PTPRA: variants seen among roughly 807,000 people sequenced by gnomAD.
The protein encoded by PTPRA is receptor-type tyrosine-protein phosphatase alpha.
A neutral mutation model predicts 104.8 loss-of-function variants in PTPRA; 25 were observed. The ratio of observed to expected loss-of-function variants is 0.24; its 90% confidence interval spans 0.17 to 0.33. The LOEUF is 0.33. Ranked by LOEUF, PTPRA falls within the 10% of genes least tolerant of loss-of-function variation. PTPRA has a pLI of 1.00. For missense variants in PTPRA, 765 were observed against 1,015.3 expected (o/e 0.75, Z 3.35); for synonymous variants, 323 against 368.9 (o/e 0.88, Z 1.43).
intron 11 of PTPRA, among the ~76,000 whole-genome samples, chr20:3,013,842 C>T (rs2064302680): frequency 6.6e-6 from 1 of 152,126 alleles, no homozygotes; most frequent in Non-Finnish European, 1.5e-5. Flanking sequence ...TTCATCTTTC[C>T]CTTGAACAGA....
chr20:3,029,540 CTTTTTTTT>C (rs71195813), intron 20 of PTPRA, among the ~76,000 whole-genome samples: 1 of 78,084 alleles, frequency 1.3e-5, no homozygotes, highest in Admixed American at 1.8e-4. Flanking sequence ...TCTTCATCAT[CTTTTTTTT>C]TTTTTTTTTT....
intron 3 of PTPRA, among the ~76,000 whole-genome samples, chr20:2,952,042 C>T (rs1011383887): frequency 6.6e-6 from 1 of 151,972 alleles, no homozygotes; most frequent in Non-Finnish European, 1.5e-5. Flanking sequence ...ATCTCTTGAA[C>T]CCAGGAGGCA....
intron 1 of PTPRA, among the ~76,000 whole-genome samples, chr20:2,919,139 C>G (rs1036643552): frequency 6.6e-6 from 1 of 151,880 alleles, no homozygotes; most frequent in Admixed American, 6.6e-5. Flanking sequence ...AAGATTTGAC[C>G]AAGTTGATTG....
chr20:3,017,192 A>G (rs757710007), intron 12 of PTPRA, among the ~76,000 whole-genome samples: 2 of 152,056 alleles, frequency 1.3e-5, no homozygotes, highest in South Asian at 4.1e-4. Flanking sequence ...TCCTTCTAGA[A>G]TCTTCTTTCT....
intron 11 of PTPRA, among the ~76,000 whole-genome samples, chr20:3,014,435 C>T (rs754586048): frequency 1.6e-4 from 25 of 151,984 alleles, no homozygotes; most frequent in Admixed American, 3.3e-4. Flanking sequence ...TTCAGGAATT[C>T]GAGAGCAGCG....
At chr20:3,004,583 C>T (rs2063780541) in intron 9 of PTPRA, among the ~76,000 whole-genome samples, 1 of 143,156 alleles carries the variant, frequency 7.0e-6, no homozygotes, top group African/African-American at 2.6e-5. Flanking sequence ...GGGTGCCATG[C>T]CCCCTTAGAT....
At chr20:2,866,460 C>G in the PTPRA span, 18 of 1,614,026 alleles carry the variant, frequency 1.1e-5, no homozygotes, top group Middle Eastern at 3.3e-4. Flanking sequence ...ATGTGGCCAT[C>G]GAACACCGGA....
chr20:3,030,272 C>T (rs1395097697), intron 20 of PTPRA, among the ~76,000 whole-genome samples: 1 of 152,136 alleles, frequency 6.6e-6, no homozygotes, highest in Non-Finnish European at 1.5e-5. Context: ...GGAGAAGAGT[C>T]GTGCGCACAC....
intron 10 of PTPRA, among the ~76,000 whole-genome samples, chr20:3,006,481 TA>T (rs926540713): frequency 6.6e-6 from 1 of 152,220 alleles, no homozygotes; most frequent in Admixed American, 6.5e-5. Flanking sequence ...ATCTAGACCC[TA>T]AAAATTTTAT....
intron 1 of PTPRA, among the ~76,000 whole-genome samples, chr20:2,879,607 C>T (rs2089937459): frequency 6.6e-6 from 1 of 152,096 alleles, no homozygotes; most frequent in African/African-American, 2.4e-5. Flanking sequence ...TCAGTTGGGG[C>T]CTGAGAATGT....
intron 1 of PTPRA, among the ~76,000 whole-genome samples, chr20:2,892,720 C>T (rs508518): frequency 0.18 from 27,149 of 152,064 alleles, 3,484 homozygotes; most frequent in African/African-American, 0.36. Context: ...CCTACTTAAA[C>T]GATATTTTCA....
chr20:3,024,661 C>T, intron 17 of PTPRA, 40 bp downstream of exon 17: 1 of 1,606,460 alleles, frequency 6.2e-7, no homozygotes, highest in Non-Finnish European at 8.5e-7. Flanking sequence ...ATTGAAGGAT[C>T]CTTGTAATCT....
rs1252481408 is a variant in PTPRA, at chr20:3,035,209, A to T, written c.1921-376A>T. Among the ~76,000 whole-genome samples the T allele has an allele frequency of 1.3e-5, 2 of 152,188 alleles. No homozygotes were observed. Among genetic ancestry groups the T allele is most frequent in the Admixed American group, 6.5e-5 (1 of 15,272 alleles). On this transcript the variant is annotated intron_variant, in intron 20 of 23. Coordinates refer to ENST00000399903, the MANE Select transcript of PTPRA (RefSeq NM_001385305.1). This position sits in a 1 kb window ranked among gnomAD's most constrained non-coding sequence, Gnocchi z 5.8. ...TGTGTGGGAATGTGAATTGGTTCTG[A>T]TTTTCTGAATTAGCAGTCTGGCGGA...
At chr20:2,910,480 C>CTTTT (rs34928941) in intron 1 of PTPRA, among the ~76,000 whole-genome samples, 6 of 16,772 alleles carry the variant, frequency 3.6e-4, no homozygotes, top group East Asian at 2.8e-3. Flanking sequence ...TTTATATATA[C>CTTTT]TTTTTTTTTT....
At position 2,920,527 on chromosome 20, in the gene PTPRA, G is replaced by A. The variant is rs532474650; in HGVS notation, c.-128-2680G>A. Among the ~76,000 whole-genome samples the A allele has an allele frequency of 5.9e-5, 9 of 152,310 alleles. No individual in the cohort carries two copies. The South Asian group carries it at 1.9e-3, about 32-fold the overall frequency. Reference sequence around the variant, plus strand: ...TCTAATGTGCAGCCACTGGTACAGAGTGAGAAGATTGGAAGATGGGACACC... The same window carrying A: ...TCTAATGTGCAGCCACTGGTACAGAATGAGAAGATTGGAAGATGGGACACC... On this transcript the variant is annotated intron_variant, in intron 1 of 23. Transcript: ENST00000399903.
At chr20:3,019,586 C>T (rs897673408) in intron 13 of PTPRA, among the ~76,000 whole-genome samples, 3 of 150,572 alleles carry the variant, frequency 2.0e-5, no homozygotes, top group Non-Finnish European at 4.4e-5. Flanking sequence ...CCTCACTTTC[C>T]AGACTGGGCA....
chr20:2,882,305 T>TG (rs1239775189), intron 1 of PTPRA, among the ~76,000 whole-genome samples: 4 of 151,642 alleles, frequency 2.6e-5, no homozygotes, highest in African/African-American at 9.7e-5. Context: ...TCTTTTTTTT[T>TG]TTTTGAGACA....
chr20:2,866,638 G>A, the PTPRA span: 1 of 1,593,730 alleles, frequency 6.3e-7, no homozygotes, highest in African/African-American at 1.3e-5. Flanking sequence ...TGGCAGAAGG[G>A]CCATAGTTCA....
chr20:2,975,214 G>T lies in PTPRA; in HGVS notation c.416-1G>T. 1 of 1,592,622 alleles carries T rather than the reference G, an allele frequency of 6.3e-7. No individual in the cohort carries two copies. On this transcript the variant is annotated splice_acceptor_variant, in intron 5 of 23. Transcript: ENST00000399903. LOFTEE classifies it high-confidence loss of function. The stretch of plus-strand genomic sequence containing the variant: ...GTTTCTATTTTTTACTTATTACACA[G>T]GTAATTCTGACTCGAAGGACAGAAG...
Sources: gnomAD v4.1 joint callset for allele counts (sites outside exome capture counted in the v4.1 genomes callset) on GRCh38, gnomAD v4.1.1 for gene constraint, Gnocchi (gnomAD v3.1) non-coding constraint, MANE v1.5 for transcripts, NCBI Gene and HGNC (gene_info 2026-07-23, HGNC 2026-07-21) for gene names.